The following E2F3 variants were observed in gnomAD, a reference collection of about 807,000 sequenced individuals.
E2F3 encodes transcription factor E2F3.
E2F3 carries 11 observed loss-of-function variants against 44.4 expected under a neutral mutation model. The observed-to-expected ratio is 0.25, with a 90% CI of 0.16 to 0.41. The LOEUF (loss-of-function observed/expected upper bound fraction) is 0.41. Ranked by LOEUF, E2F3 falls within the 10% of genes least tolerant of loss-of-function variation. E2F3 has a pLI of 1.00. For missense variants in E2F3, 487 were observed against 583.6 expected (o/e 0.83, Z 1.70); for synonymous variants, 249 against 253.0 (o/e 0.98, Z 0.15).
At chr6:20,403,606 G>C in intron 1 of E2F3, 1 of 475,082 alleles carries the variant, frequency 2.1e-6, no homozygotes, top group East Asian at 3.6e-5. Context: ...GGGGAGAGGG[G>C]GGCACCCACT....
chr6:20,467,926 C>G (rs1377939021), intron 1 of E2F3, among the ~76,000 whole-genome samples: 1 of 151,934 alleles, frequency 6.6e-6, no homozygotes, highest in African/African-American at 2.4e-5. Context: ...CATGGGCACC[C>G]AGGAATCAAA....
At chr6:20,488,060 C>G (rs939794030) in intron 5 of E2F3, 53 bp from the exon 6 acceptor site, 8 of 1,597,108 alleles carry the variant, frequency 5.0e-6, no homozygotes, top group Non-Finnish European at 6.8e-6. Flanking sequence ...ATTACTATGG[C>G]TTTTATTTCT....
intron 3 of E2F3, 138 bp from the exon 4 acceptor site, chr6:20,482,620 ATGTG>A: frequency 3.4e-6 from 1 of 293,054 alleles, no homozygotes; most frequent in Non-Finnish European, 6.4e-6. Context: ...ATATATATAT[ATGTG>A]TAAATGTTCT....
intron 1 of E2F3, among the ~76,000 whole-genome samples, chr6:20,450,689 A>G (rs1761100432): frequency 6.6e-6 from 1 of 152,138 alleles, no homozygotes; most frequent in Non-Finnish European, 1.5e-5. Context: ...CTTCGTCATG[A>G]AATCTTTGCC....
chr6:20,485,163 CG>C (rs1486511540), intron 4 of E2F3, among the ~76,000 whole-genome samples: 1 of 152,030 alleles, frequency 6.6e-6, no homozygotes, highest in African/African-American at 2.4e-5. Flanking sequence ...AAAATAATAA[CG>C]GGCTAAAGAC....
At chr6:20,452,642 T>C (rs574923268) in intron 1 of E2F3, among the ~76,000 whole-genome samples, 128 of 152,322 alleles carry the variant, frequency 8.4e-4, no homozygotes, top group African/African-American at 3.0e-3. Context: ...TGGACATCTT[T>C]TCAAGATGTT....
intron 1 of E2F3, among the ~76,000 whole-genome samples, chr6:20,475,407 GC>G (rs1338393028): frequency 6.6e-6 from 1 of 152,186 alleles, no homozygotes; most frequent in Non-Finnish European, 1.5e-5. Context: ...AAACTAGTAT[GC>G]CCCCAGCCTG....
intron 1 of E2F3, among the ~76,000 whole-genome samples, chr6:20,476,228 G>GGGCGT (rs1762039683): frequency 6.6e-6 from 1 of 152,060 alleles, no homozygotes; most frequent in Non-Finnish European, 1.5e-5. Flanking sequence ...AAAATTAGCC[G>GGGCGT]GGCGTGGTGG....
At position 20,490,050 on chromosome 6, in the gene E2F3, T is replaced by C. The variant is rs886246027; in HGVS notation, c.1136-118T>C. 1.2e-5 allele frequency: 14 copies of C among 1,144,796 alleles called. No homozygotes were observed. The highest frequency in any genetic ancestry group is 2.7e-5 in the Admixed American group (1 of 37,352). 70.9% of individuals were successfully genotyped at this position (1,144,796 alleles called of 1,614,324 possible). A position where few individuals can be genotyped will look rare whatever the true frequency, so the allele number is the denominator to read the frequency against. ...TGATCTGCATCATAAAGTCGTCTCA[T>C]TGTCATTATTTGCGGAAGGTACATG... On this transcript the variant is annotated intron_variant, in intron 6 of 6. Coordinates refer to ENST00000346618, the MANE Select transcript of E2F3 (RefSeq NM_001949.5). This position sits in a 1 kb window ranked among gnomAD's most constrained non-coding sequence, Gnocchi z 4.3.
rs1762217075 is a variant in E2F3 at position 20,481,293 on chromosome 6, C to G, written c.593C>G (p.Pro198Arg). 1 of 1,613,896 alleles carries G rather than the reference C, an allele frequency of 6.2e-7. No homozygotes were observed. The highest frequency in any genetic ancestry group is 1.3e-5 in the African/African-American group (1 of 74,858). Residue 198 changes from proline to arginine, a missense_variant, in exon 3 of 7, where the codon CCC becomes CGC. Pro to Arg is a moderately radical substitution (Grantham distance 103, BLOSUM62 -2). This residue lies in a region of E2F3 where 29 missense variants were observed against 85.9 expected (regional missense o/e 0.34). Transcript: ENST00000346618. ...KKFIQLLSQS[P>R]DGVLDLNKAA... ...TTCATTCAGCTCCTGAGCCAGTCACCCGATGGGGTATTGGATTTGAACAAG... is the reference window on the plus strand; with the variant it reads ...TTCATTCAGCTCCTGAGCCAGTCACGCGATGGGGTATTGGATTTGAACAAG...
intron 1 of E2F3, among the ~76,000 whole-genome samples, chr6:20,419,434 A>G (rs1233979719): frequency 6.6e-6 from 1 of 152,236 alleles, no homozygotes; most frequent in Non-Finnish European, 1.5e-5. Flanking sequence ...TATTCCCACC[A>G]CAAGTGTAGA....
intron 4 of E2F3, among the ~76,000 whole-genome samples, chr6:20,486,080 T>C (rs1258570161): frequency 6.6e-6 from 1 of 152,254 alleles, no homozygotes; most frequent in Non-Finnish European, 1.5e-5. Context: ...ATAAAATTTC[T>C]GACCACTTAG....
At position 20,448,931 on chromosome 6, in the gene E2F3, T is replaced by C. The variant is rs977389353; in HGVS notation, c.394-30915T>C. On this transcript the variant is annotated intron_variant, in intron 1 of 6. Transcript: ENST00000346618. The stretch of plus-strand genomic sequence containing the variant: ...TAGAAATTGAATGATCCAGTAAAAC[T>C]AAAAGCCTGGCTTCTTTCATCTTCA... Among the ~76,000 whole-genome samples, 3 of 152,182 alleles carry C rather than the reference T, an allele frequency of 2.0e-5. No individual in the cohort carries two copies. The East Asian group carries it at 5.8e-4, about 29-fold the overall frequency.
At chr6:20,484,912 C>T (rs1335514335) in intron 4 of E2F3, among the ~76,000 whole-genome samples, 1 of 147,248 alleles carries the variant, frequency 6.8e-6, no homozygotes, top group Admixed American at 6.8e-5. Context: ...GAAATCGTGC[C>T]ACTGCACTCC....
At chr6:20,461,323 T>C (rs1761501404) in intron 1 of E2F3, among the ~76,000 whole-genome samples, 1 of 151,828 alleles carries the variant, frequency 6.6e-6, no homozygotes, top group African/African-American at 2.4e-5. Context: ...GAAACCCCGT[T>C]TCTACTAAAA....
At chr6:20,408,222 T>C (rs1032825626) in intron 1 of E2F3, among the ~76,000 whole-genome samples, 3 of 152,192 alleles carry the variant, frequency 2.0e-5, no homozygotes, top group Non-Finnish European at 4.4e-5. Context: ...CCTGACCCTC[T>C]CTTTGGCTTC....
intron 1 of E2F3, among the ~76,000 whole-genome samples, chr6:20,428,018 G>T (rs1258334276): frequency 6.6e-6 from 1 of 152,086 alleles, no homozygotes; most frequent in Non-Finnish European, 1.5e-5. Context: ...TGAAGCTCTC[G>T]CAGGGACTCT....
intron 1 of E2F3, among the ~76,000 whole-genome samples, chr6:20,423,108 C>T (rs1760081781): frequency 6.6e-6 from 1 of 152,242 alleles, no homozygotes; most frequent in South Asian, 2.1e-4. Flanking sequence ...TTTCTTTCTA[C>T]ATATGTTTAT....
chr6:20,405,925 T>C (rs550784111), intron 1 of E2F3, among the ~76,000 whole-genome samples: 36 of 152,336 alleles, frequency 2.4e-4, no homozygotes, highest in South Asian at 1.5e-3. Context: ...GTTTTTCTTA[T>C]CGAAATTATA....
Sources: gnomAD v4.1 joint callset for allele counts (sites outside exome capture counted in the v4.1 genomes callset) on GRCh38, gnomAD v4.1.1 for gene constraint, gnomAD v4.1.1 regional missense constraint, Gnocchi (gnomAD v3.1) non-coding constraint, MANE v1.5 for transcripts, NCBI Gene and HGNC (gene_info 2026-07-23, HGNC 2026-07-21) for gene names.